The following DMD variants were observed in gnomAD, a reference collection of about 807,000 sequenced individuals.
The protein encoded by DMD is mutant dystrophin.
Under a neutral mutation model 330.1 loss-of-function variants are expected in DMD, and 63 were observed. The observed-to-expected ratio is 0.19, with a 90% CI of 0.16 to 0.24. The LOEUF (loss-of-function observed/expected upper bound fraction) is 0.24, where lower values mean the gene tolerates loss of function less well. Among genes scored for constraint, DMD ranks in the 10% least tolerant of loss-of-function variants. The pLI, the probability that DMD is intolerant of heterozygous loss-of-function variation, is 1.00. For synonymous variants in DMD, 1,223 were observed against 959.8 expected (o/e 1.27, Z -5.07); for missense variants, 3,344 against 2,684.1 (o/e 1.25, Z -5.43).
intron 2 of DMD, among the ~76,000 whole-genome samples, chrX:32,949,247 TACATACACAC>T (rs1284441597): frequency 1.5e-4 from 10 of 65,457 alleles, no homozygotes; most frequent in African/African-American, 6.6e-4. Flanking sequence ...ATTAAATCGT[TACATACACAC>T]ACACACACAC....
chrX:32,820,654 G>C (rs1486478673), intron 5 of DMD, among the ~76,000 whole-genome samples: 3 of 111,135 alleles, frequency 2.7e-5, no homozygotes, highest in South Asian at 3.8e-4. Context: ...GTGCATGCTT[G>C]AGTTCTTCTG....
At chrX:32,317,221 C>A (rs2097585576) in intron 41 of DMD, among the ~76,000 whole-genome samples, 1 of 110,635 alleles carries the variant, frequency 9.0e-6, no homozygotes, top group African/African-American at 3.3e-5. Context: ...CATTTTTAAC[C>A]ATATATACCC....
chrX:32,429,197 T>C (rs950638372), intron 29 of DMD, among the ~76,000 whole-genome samples: 1 of 103,582 alleles, frequency 9.7e-6, no homozygotes, highest in African/African-American at 3.6e-5. Flanking sequence ...TTTTTTCTTT[T>C]TCTTTTCTTT....
chrX:32,564,014 A>T (rs781642213), intron 16 of DMD, among the ~76,000 whole-genome samples: 1 of 110,091 alleles, frequency 9.1e-6, no homozygotes, highest in East Asian at 2.9e-4. Flanking sequence ...ACTTCCTCCC[A>T]CCCTCCCACC....
chrX:32,479,346 C>T (rs1167638351), intron 21 of DMD, among the ~76,000 whole-genome samples: 1 of 110,665 alleles, frequency 9.0e-6, no homozygotes, highest in African/African-American at 3.3e-5. Flanking sequence ...TAACTGTGTC[C>T]ACCACGCAGT....
At chrX:31,828,018 G>C (rs2092928131) in intron 49 of DMD, among the ~76,000 whole-genome samples, 1 of 111,174 alleles carries the variant, frequency 9.0e-6, no homozygotes, top group Non-Finnish European at 1.9e-5. Context: ...AGAGAAACAA[G>C]AACAAACTAA....
intron 44 of DMD, among the ~76,000 whole-genome samples, chrX:32,193,179 G>C (rs1210455525): frequency 9.0e-6 from 1 of 111,592 alleles, no homozygotes; most frequent in Non-Finnish European, 1.9e-5. Context: ...TCCACAGAAG[G>C]AGATGCTGCT....
chrX:32,429,520 A>G (rs1391261472), intron 29 of DMD, among the ~76,000 whole-genome samples: 3 of 103,379 alleles, frequency 2.9e-5, no homozygotes, highest in Non-Finnish European at 5.9e-5. Context: ...GGCCGCTGGT[A>G]TTTTTCTACC....
At chrX:32,954,272 G>T (rs779116271) in intron 2 of DMD, among the ~76,000 whole-genome samples, 1 of 111,913 alleles carries the variant, frequency 8.9e-6, no homozygotes, top group Non-Finnish European at 1.9e-5. Flanking sequence ...GAGATACTTT[G>T]GATTCAAGGA....
chrX:31,487,649 AT>A (rs1035185378), intron 57 of DMD, among the ~76,000 whole-genome samples: 1 of 111,212 alleles, frequency 9.0e-6, no homozygotes, highest in African/African-American at 3.3e-5. Context: ...TATGGCAACC[AT>A]TTTTCTACTC....
chrX:31,295,140 C>T (rs961247313), intron 62 of DMD, among the ~76,000 whole-genome samples: 3 of 109,842 alleles, frequency 2.7e-5, no homozygotes, highest in Middle Eastern at 4.7e-3. Context: ...GGACTACAGG[C>T]GTCCACCACC....
At chrX:32,884,117 A>G (rs1438228949) in intron 2 of DMD, among the ~76,000 whole-genome samples, 1 of 111,111 alleles carries the variant, frequency 9.0e-6, no homozygotes, top group Non-Finnish European at 1.9e-5. Flanking sequence ...CTATACTAAG[A>G]CTAGTCTTGA....
intron 44 of DMD, among the ~76,000 whole-genome samples, chrX:32,061,940 A>T (rs2096228369): frequency 9.0e-6 from 1 of 111,467 alleles, no homozygotes; most frequent in African/African-American, 3.2e-5. Context: ...CTTTATTCTA[A>T]TAAATTACAG....
chrX:31,311,832 C>T (rs1192727488), intron 62 of DMD, among the ~76,000 whole-genome samples: 2 of 111,215 alleles, frequency 1.8e-5, no homozygotes, highest in African/African-American at 3.3e-5. Context: ...CTTTGATAAA[C>T]CTGACAAAAA....
intron 42 of DMD, among the ~76,000 whole-genome samples, chrX:32,295,845 C>G (rs1244539523): frequency 8.9e-6 from 1 of 111,752 alleles, no homozygotes; most frequent in Non-Finnish European, 1.9e-5. Flanking sequence ...CCCTTGCTGT[C>G]AAAGATTTTC....
At chrX:31,355,322 G>A (rs368722438) in intron 60 of DMD, among the ~76,000 whole-genome samples, 2 of 111,567 alleles carry the variant, frequency 1.8e-5, no homozygotes, top group East Asian at 5.6e-4. Context: ...TAGGCAATGT[G>A]GTTTCTTCCT....
At chrX:33,057,514 T>C (rs958625241) in intron 1 of DMD, among the ~76,000 whole-genome samples, 13 of 112,343 alleles carry the variant, frequency 1.2e-4, no homozygotes, top group African/African-American at 4.2e-4. Flanking sequence ...ATAAAATGTG[T>C]GTTCTATGGA....
intron 4 of DMD, among the ~76,000 whole-genome samples, chrX:32,841,116 C>G (rs1392708459): frequency 9.0e-6 from 1 of 111,429 alleles, no homozygotes; most frequent in Non-Finnish European, 1.9e-5. Flanking sequence ...CATTACAGCT[C>G]TAATTTAAAT....
chrX:31,413,476 C>T, intron 60 of DMD, among the ~76,000 whole-genome samples: 1 of 111,823 alleles, frequency 8.9e-6, no homozygotes, highest in Non-Finnish European at 1.9e-5. Flanking sequence ...TGTTGACTCC[C>T]ATTCTCACCT....
Sources: allele counts gnomAD v4.1 joint callset (sites outside exome capture counted in the v4.1 genomes callset), GRCh38; gene constraint gnomAD v4.1.1; transcripts MANE v1.5; gene names NCBI Gene and HGNC (gene_info 2026-07-23, HGNC 2026-07-21).